The following ZNF26 variants were observed in gnomAD, a reference collection of about 807,000 sequenced individuals.
ZNF26 encodes epididymis luminal protein 179.
In ZNF26, 32 loss-of-function variants were observed where a neutral mutation model predicts 54.9. That is an observed-to-expected ratio of 0.58 (90% CI 0.44 to 0.78). The LOEUF is 0.78. Among genes scored for constraint, ZNF26 ranks in the 30% least tolerant of loss-of-function variants. The pLI is 0.00. For missense variants in ZNF26, 524 were observed against 634.0 expected (o/e 0.83, Z 1.86); for synonymous variants, 221 against 209.2 (o/e 1.06, Z -0.49).
At position 133,012,604 on chromosome 12, in the gene ZNF26, T is replaced by TTTTTTTTTTTTTTTTTTTC. The variant is rs1953505751; in HGVS notation, c.*1128_*1129insTTTTTTTTTTTTTCTTTTT. 1 of 137,892 alleles carries TTTTTTTTTTTTTTTTTTTC rather than the reference T, an allele frequency of 7.3e-6. No homozygotes were observed. The highest frequency in any genetic ancestry group is 2.8e-5 in the African/African-American group (1 of 35,620). The allele number at this position is 137,892 out of a possible 1,614,324, so 8.5% of individuals were successfully genotyped here. A position where few individuals can be genotyped will look rare whatever the true frequency, so the allele number is the denominator to read the frequency against. ...TTTTTTTTTTTTTTTTTTTTTTTTTTTTTTTGAGACTAAGTTTCACTCTTG... is the reference window on the plus strand; with the variant it reads ...TTTTTTTTTTTTTTTTTTTTTTTTTTTTTTTTTTTTTTTTTTTTCTTTTTGAGACTAAGTTTCACTCTTG... On this transcript the variant is annotated 3_prime_UTR_variant, in exon 4 of 4. Transcript: ENST00000328654.
intron 1 of ZNF26, chr12:132,987,786 TGAAAG>T (rs1593626405): frequency 4.2e-6 from 4 of 960,482 alleles, no homozygotes; most frequent in Non-Finnish European, 5.0e-6. Flanking sequence ...CTCAGGTTAA[TGAAAG>T]GAAAGGACAC....
At chr12:132,998,096 T>C (rs1339052312) in intron 1 of ZNF26, among the ~76,000 whole-genome samples, 1 of 151,966 alleles carries the variant, frequency 6.6e-6, no homozygotes, top group African/African-American at 2.4e-5. Context: ...GTTATTTGCA[T>C]AAAGAATAGC....
intron 1 of ZNF26, among the ~76,000 whole-genome samples, chr12:132,991,033 G>A (rs970104322): frequency 4.6e-5 from 7 of 151,048 alleles, no homozygotes; most frequent in Middle Eastern, 3.4e-3. Context: ...TAATTTTTGC[G>A]TTTTTAGTAG....
At chr12:132,992,312 G>T (rs904747918) in intron 1 of ZNF26, among the ~76,000 whole-genome samples, 3 of 151,800 alleles carry the variant, frequency 2.0e-5, no homozygotes, top group Non-Finnish European at 4.4e-5. Flanking sequence ...CTGTTTTGAT[G>T]ATTTTTTTTT....
rs34694811 is a variant in ZNF26, at chr12:132,988,244, G to GTT, written c.33+1379_33+1380dup. 1.1e-4 allele frequency among the ~76,000 whole-genome samples: 16 copies of GTT among 148,128 alleles called. No homozygotes were observed. In the South Asian group the frequency reaches 1.1e-3, roughly 10 times the overall value. ...GGCTGGTCTTTATAGTAAATCTTTT[G>GTT]TTTTTTTTTCAAGGCAGGATCTCAC... On this transcript the variant is annotated intron_variant, in intron 1 of 3. Transcript: ENST00000328654.
In ZNF26 at chr12:133,010,639, G is replaced by C. The variant is rs1417211397; in HGVS notation, c.760G>C (p.Gly254Arg). ...CATTGTCCATCAGGAAATTCACACA[G>C]GAGGGAAACCCTATGGCTGCAGTGA... is the stretch of plus-strand genomic sequence containing the variant. Reference protein sequence around the residue: ...QLIVHQEIHTGGKPYGCSECG... With the variant: ...QLIVHQEIHTRGKPYGCSECG... The change falls in exon 4 of 4, where the codon GGA (glycine) becomes CGA (arginine). Residue 254 changes from glycine to arginine, a missense_variant. Coordinates refer to ENST00000328654, the MANE Select transcript of ZNF26 (RefSeq NM_019591.4). 1 of 1,613,906 alleles carries C rather than the reference G, an allele frequency of 6.2e-7. No homozygotes were observed. The highest frequency in any genetic ancestry group is 8.5e-7 in the Non-Finnish European group (1 of 1,180,030).
In ZNF26 at chr12:133,007,516, C is replaced by T. The variant is rs1953357146; in HGVS notation, c.240C>T (p.Ser80=). The change falls in exon 3 of 4, where the codon TCC becomes TCT. Residue 80 remains serine (S), a synonymous_variant. Transcript: ENST00000328654. The stretch of plus-strand genomic sequence containing the variant: ...CATGGATAATAAATGCCAAAATTTC[C>T]AGGCAGAGCTGTCCAGGTGGGTGAG... The part of the protein sequence containing the change: ...EDPWIINAKI[S]RQSCPDGWEE... 1.2e-6 allele frequency: 2 copies of T among 1,613,386 alleles called. No individual in the cohort carries two copies. Among genetic ancestry groups the T allele is most frequent in the South Asian group, 2.2e-5 (2 of 90,960 alleles).
intron 1 of ZNF26, among the ~76,000 whole-genome samples, chr12:132,990,048 CT>C (rs1195177138): frequency 1.3e-5 from 2 of 152,126 alleles, no homozygotes; most frequent in Middle Eastern, 3.4e-3. Flanking sequence ...CTTTGGGAGG[CT>C]GAGGCAGGAG....
Position 133,010,835 on chromosome 12 carries a change from G to A in ZNF26, c.956G>A (p.Cys319Tyr). Residue 319 changes from cysteine to tyrosine, a missense_variant, in exon 4 of 4, where the codon TGT becomes TAT. Coordinates refer to ENST00000328654, the MANE Select transcript of ZNF26 (RefSeq NM_019591.4). Reference protein sequence around the residue: ...TGVKPHKCSECGKAFRSKSYL... With the variant: ...TGVKPHKCSEYGKAFRSKSYL... ...GTGAAACCCCATAAATGCAGTGAAT[G>A]TGGGAAAGCCTTTAGGAGTAAGTCC... 1 of 1,614,120 alleles carries A rather than the reference G, an allele frequency of 6.2e-7. No homozygotes were observed. The highest frequency in any genetic ancestry group is 8.5e-7 in the Non-Finnish European group (1 of 1,180,042).
In ZNF26 at chr12:133,017,930, A is replaced by AC. The variant is rs1275121592; in HGVS notation, c.*6452dup. The AC allele has an allele frequency of 6.6e-6, 1 of 152,126 alleles. No individual in the cohort carries two copies. The highest frequency in any genetic ancestry group is 1.5e-5 in the Non-Finnish European group (1 of 68,046). 9.4% of individuals were successfully genotyped at this position (152,126 alleles called of 1,614,324 possible). On this transcript the variant is annotated 3_prime_UTR_variant, in exon 4 of 4. Transcript: ENST00000328654. The stretch of plus-strand genomic sequence containing the variant: ...AGGCTGAGGCAGGAGAATGGCTTGA[A>AC]CCCAGGAGGCAGAGGTTGCAGTGAG...
At position 133,001,611 on chromosome 12, in the gene ZNF26, C is replaced by T; in HGVS notation, c.34-5431C>T. ...CAGAAGTCCACTCACTGCCTCTTCC[C>T]CTGGGGTCTCCCTCCCTGCAGGTAG... On this transcript the variant is annotated intron_variant, in intron 1 of 3. Transcript: ENST00000328654. This position sits in a 1 kb window ranked among gnomAD's most constrained non-coding sequence, Gnocchi z 4.7. 7.8e-7 allele frequency: 1 copy of T among 1,275,278 alleles called. No homozygotes were observed. The highest frequency in any genetic ancestry group is 1.0e-6 in the Non-Finnish European group (1 of 976,172). 79.0% of individuals were successfully genotyped at this position (1,275,278 alleles called of 1,614,324 possible).
chr12:133,003,455 C>T (rs966433279), intron 1 of ZNF26, among the ~76,000 whole-genome samples: 4 of 152,020 alleles, frequency 2.6e-5, no homozygotes, highest in African/African-American at 9.6e-5. Context: ...GGGGTTTCAC[C>T]GTGTTAGCCA....
At position 133,020,568 on chromosome 12, in the gene ZNF26, C is replaced by G. The variant is rs1010502868; in HGVS notation, c.*9087C>G. ...AGCACCAAAATACATGAAGCAAAAT[C>G]TGACAGAAATGAAGAGAGACAACTC... On this transcript the variant is annotated 3_prime_UTR_variant, in exon 4 of 4. Transcript: ENST00000328654. 1 of 152,162 alleles carries G rather than the reference C, an allele frequency of 6.6e-6. No individual in the cohort carries two copies. Among genetic ancestry groups the G allele is most frequent in the African/African-American group, 2.4e-5 (1 of 41,412 alleles). The allele number at this position is 152,162 out of a possible 1,614,324, so 9.4% of individuals were successfully genotyped here.
intron 2 of ZNF26, 75 bp downstream of exon 2, chr12:133,007,243 C>T: frequency 6.5e-7 from 1 of 1,549,148 alleles, no homozygotes; most frequent in Admixed American, 1.7e-5. Context: ...TTGAACTACT[C>T]CGGGATCTCT....
rs893448606 is a variant in ZNF26 at position 133,023,729 on chromosome 12, T to G, written c.*12248T>G. The G allele has an allele frequency of 2.6e-5, 4 of 152,234 alleles. No individual in the cohort carries two copies. Among genetic ancestry groups the G allele is most frequent in the African/African-American group, 4.8e-5 (2 of 41,464 alleles). 9.4% of individuals were successfully genotyped at this position (152,234 alleles called of 1,614,324 possible). ...TAGTCTTGCCCCATCCTTTGAGTTTTGTTGGCTTGTGAGTCACTTGTAGCC... is the reference window on the plus strand; with the variant it reads ...TAGTCTTGCCCCATCCTTTGAGTTTGGTTGGCTTGTGAGTCACTTGTAGCC... On this transcript the variant is annotated 3_prime_UTR_variant, in exon 4 of 4. Coordinates refer to ENST00000328654, the MANE Select transcript of ZNF26 (RefSeq NM_019591.4).
At chr12:132,987,969 A>G (rs113271670) in intron 1 of ZNF26, among the ~76,000 whole-genome samples, 2,107 of 152,312 alleles carry the variant, frequency 0.014, 41 homozygotes, top group African/African-American at 0.048. Context: ...CACTAATACC[A>G]CACTGCCACA....
At chr12:132,994,572 T>C (rs1953032952) in intron 1 of ZNF26, among the ~76,000 whole-genome samples, 1 of 152,242 alleles carries the variant, frequency 6.6e-6, no homozygotes, top group South Asian at 2.1e-4. Context: ...CTGTACATTT[T>C]TAATGCATAT....
rs1053479950 is a variant in ZNF26, at chr12:133,006,934, C to T, written c.34-108C>T. ...CACAAAGTAAATGCTGAACCAGCCA[C>T]AGGAAATAGTTGGTAGAGGAACATT... On this transcript the variant is annotated intron_variant, in intron 1 of 3. Transcript: ENST00000328654. 311 of 1,340,262 alleles carry T rather than the reference C, an allele frequency of 2.3e-4. No homozygotes were observed. The African/African-American group carries it at 3.8e-3, about 16-fold the overall frequency. The allele number at this position is 1,340,262 out of a possible 1,614,324, so 83.0% of individuals were successfully genotyped here. A position where few individuals can be genotyped will look rare whatever the true frequency, so the allele number is the denominator to read the frequency against.
At chr12:133,009,997 C>A in intron 3 of ZNF26, 139 bp from the exon 4 acceptor site, 1 of 855,866 alleles carries the variant, frequency 1.2e-6, no homozygotes, top group Non-Finnish European at 1.7e-6. Context: ...CATGCTTGGC[C>A]AGTATTTCTT....
Sources: gnomAD v4.1 joint callset for allele counts (sites outside exome capture counted in the v4.1 genomes callset) on GRCh38, gnomAD v4.1.1 for gene constraint, Gnocchi (gnomAD v3.1) non-coding constraint, MANE v1.5 for transcripts, NCBI Gene and HGNC (gene_info 2026-07-23, HGNC 2026-07-21) for gene names.